RTN4: variants seen among roughly 807,000 people sequenced by gnomAD.
RTN4 encodes the protein reticulon 4.
RTN4 carries 32 observed loss-of-function variants against 90.4 expected under a neutral mutation model. That is an observed-to-expected ratio of 0.35 (90% CI 0.27 to 0.48). The LOEUF (loss-of-function observed/expected upper bound fraction) is 0.48, where lower values mean the gene tolerates loss of function less well. Among genes scored for constraint, RTN4 ranks in the 20% least tolerant of loss-of-function variants. RTN4 has a pLI of 0.99. For synonymous variants in RTN4, 629 were observed against 552.5 expected, an observed-to-expected ratio of 1.14 and a Z score of -1.94; for missense variants, 1,706 against 1,430.2, an observed-to-expected ratio of 1.19 and a Z score of -3.11.
chr2:55,095,510 A>AT (rs913316956), intron 1 of RTN4, among the ~76,000 whole-genome samples: 11 of 151,978 alleles, frequency 7.2e-5, no homozygotes, highest in African/African-American at 2.7e-4. Flanking sequence ...CACTATTCAG[A>AT]TTTTTTTCTT....
chr2:54,998,076 C>A (rs754188344), intron 3 of RTN4, among the ~76,000 whole-genome samples: 2 of 151,956 alleles, frequency 1.3e-5, no homozygotes, highest in Admixed American at 6.6e-5. Context: ...GTGAAAGAAG[C>A]CAGTCACAAA....
intron 3 of RTN4, among the ~76,000 whole-genome samples, chr2:55,001,249 G>T (rs1015009682): frequency 6.6e-6 from 1 of 152,092 alleles, no homozygotes; most frequent in African/African-American, 2.4e-5. Flanking sequence ...TTATTACTGA[G>T]AACAAACGGC....
chr2:55,006,650 G>A (rs1250315532), intron 3 of RTN4, among the ~76,000 whole-genome samples: 2 of 152,028 alleles, frequency 1.3e-5, no homozygotes, highest in Admixed American at 6.6e-5. Context: ...ATTACCTCTG[G>A]CACATTAACT....
At chr2:55,013,705 C>A (rs1011718800) in intron 3 of RTN4, among the ~76,000 whole-genome samples, 5 of 151,892 alleles carry the variant, frequency 3.3e-5, no homozygotes, top group African/African-American at 1.2e-4. Flanking sequence ...CAGCACTAGG[C>A]AAGGTGTTAA....
chr2:55,070,726 AG>A (rs768386254), intron 2 of RTN4, among the ~76,000 whole-genome samples: 26 of 148,634 alleles, frequency 1.7e-4, no homozygotes, highest in South Asian at 1.3e-3. Flanking sequence ...ACTCCTATCA[AG>A]GACAAACAGC....
At position 55,111,819 on chromosome 2, in the gene RTN4, C is replaced by A. The variant is rs527391130; in HGVS notation, c.-214+701G>T. 4.6e-5 allele frequency among the ~76,000 whole-genome samples: 7 copies of A among 152,300 alleles called. No individual in the cohort carries two copies. The South Asian group carries it at 1.5e-3, about 32-fold the overall frequency. ...ATTCACTGAAATGTCCTTAAAAAAT[C>A]TACCTCACCCCATGTCTATCCATCT... is the stretch of plus-strand genomic sequence containing the variant. On this transcript the variant is annotated intron_variant, in intron 1 of 3. Coordinates refer to the RTN4 transcript ENST00000427710.
At chr2:55,046,505 C>G (rs1357695751) in intron 1 of RTN4, among the ~76,000 whole-genome samples, 2 of 152,166 alleles carry the variant, frequency 1.3e-5, no homozygotes, top group Non-Finnish European at 2.9e-5. Flanking sequence ...CTAAGCCTGT[C>G]TTAGTGTCAC....
intron 3 of RTN4, among the ~76,000 whole-genome samples, chr2:54,998,989 T>C (rs1408615682): frequency 6.6e-6 from 1 of 152,236 alleles, no homozygotes; most frequent in Non-Finnish European, 1.5e-5. Flanking sequence ...AAAATGTTCA[T>C]TAAACATCCT....
At position 54,986,727 on chromosome 2, in the gene RTN4, C is replaced by T. The variant is rs191626591; in HGVS notation, c.3221+764G>A. Among the ~76,000 whole-genome samples the T allele has an allele frequency of 1.6e-3, 243 of 152,070 alleles. 1 individual carries two copies. The highest frequency in any genetic ancestry group is 6.8e-3 in the Middle Eastern group (2 of 294). ...ACGTGGTGAATTAGTCGTTGTCGGG[C>T]GTTGGTTGGGGAGTTGAACTGTTAA... is the stretch of plus-strand genomic sequence containing the variant. On this transcript the variant is annotated intron_variant, in intron 4 of 8. Coordinates refer to ENST00000337526, the MANE Select transcript of RTN4 (RefSeq NM_020532.5).
At chr2:55,085,809 T>C (rs553498954) in intron 1 of RTN4, among the ~76,000 whole-genome samples, 60 of 152,334 alleles carry the variant, frequency 3.9e-4, no homozygotes, top group African/African-American at 1.4e-3. Context: ...GTTAGGCCCA[T>C]TATGAGACAT....
intron 1 of RTN4, among the ~76,000 whole-genome samples, chr2:55,033,723 T>C (rs1235954134): frequency 6.6e-6 from 1 of 152,254 alleles, no homozygotes; most frequent in African/African-American, 2.4e-5. Flanking sequence ...CAATAATACA[T>C]ATTAAATAAG....
intron 3 of RTN4, among the ~76,000 whole-genome samples, chr2:54,988,896 C>T (rs535506528): frequency 6.6e-5 from 10 of 152,216 alleles, no homozygotes; most frequent in African/African-American, 1.7e-4. Flanking sequence ...AGGAGAACCC[C>T]GAAGTGTGCC....
chr2:55,069,977 G>T (rs1483544583), intron 2 of RTN4, among the ~76,000 whole-genome samples: 1 of 152,212 alleles, frequency 6.6e-6, no homozygotes, highest in Non-Finnish European at 1.5e-5. Flanking sequence ...TGGGGTAAAA[G>T]ATGGCACATT....
At position 55,026,045 on chromosome 2, in the gene RTN4, G is replaced by A; in HGVS notation, c.2054C>T (p.Ala685Val). 1.2e-6 allele frequency: 2 copies of A among 1,610,918 alleles called. No homozygotes were observed. Among genetic ancestry groups the A allele is most frequent in the Non-Finnish European group, 1.7e-6 (2 of 1,179,244 alleles). Residue 685 changes from alanine (A) to valine (V), a missense_variant, in exon 3 of 9, where the codon GCA becomes GTA. Transcript: ENST00000337526. ...EEIKEPENIN[A>V]ALQETEAPYI... ...AGGAGCTTCTGTTTCTTGAAGAGCT[G>A]CATTAATATTTTCAGGCTCTTTAAT...
rs79113201 is a variant in RTN4, at chr2:54,990,324, G to C, written c.3014-2626C>G. Reference sequence around the variant, plus strand: ...AGGTAACAAGGCGGTACTTTAATAAGTTTGATTTAATCACACCACATTGTA... The same window carrying C: ...AGGTAACAAGGCGGTACTTTAATAACTTTGATTTAATCACACCACATTGTA... On this transcript the variant is annotated intron_variant, in intron 3 of 8. Coordinates refer to ENST00000337526, the MANE Select transcript of RTN4 (RefSeq NM_020532.5). Among the ~76,000 whole-genome samples the C allele has an allele frequency of 8.0e-3, 1,218 of 152,178 alleles. 13 individuals are homozygous for C. The highest frequency in any genetic ancestry group is 0.028 in the African/African-American group (1,168 of 41,500).
intron 5 of RTN4, among the ~76,000 whole-genome samples, chr2:54,976,156 C>G (rs1677615669): frequency 6.6e-6 from 1 of 152,214 alleles, no homozygotes; most frequent in Non-Finnish European, 1.5e-5. Context: ...AGAAATTACT[C>G]TAGCAACGAA....
intron 4 of RTN4, among the ~76,000 whole-genome samples, chr2:54,987,091 T>C (rs945375099): frequency 6.6e-6 from 1 of 151,874 alleles, no homozygotes; most frequent in Non-Finnish European, 1.5e-5. Flanking sequence ...AAGAAAAGCA[T>C]AACAGAAAAC....
intron 2 of RTN4, among the ~76,000 whole-genome samples, chr2:55,078,256 A>G (rs1170119314): frequency 6.6e-6 from 1 of 152,056 alleles, no homozygotes; most frequent in Admixed American, 6.6e-5. Flanking sequence ...TAAATTTACT[A>G]TTTTTTGAGG....
Position 55,050,006 on chromosome 2 carries a change from G to C in RTN4, c.295C>G (p.Pro99Ala). The C allele has an allele frequency of 7.2e-7, 1 of 1,380,354 alleles. No homozygotes were observed. The highest frequency in any genetic ancestry group is 9.3e-7 in the Non-Finnish European group (1 of 1,074,384). 85.5% of individuals were successfully genotyped at this position (1,380,354 alleles called of 1,614,324 possible). Reference protein sequence around the residue: ...APRGPLPAAPPVAPERQPSWD... With the variant: ...APRGPLPAAPAVAPERQPSWD... ...GACGGCTGCCGCTCCGGGGCGACGG[G>C]GGGAGCGGCCGGCAGGGGTCCCCGG... Residue 99 changes from proline (P) to alanine (A), a missense_variant, in exon 1 of 9, where the codon CCC becomes GCC. Physicochemically the swap from Pro to Ala is conservative, Grantham distance 27. Transcript: ENST00000337526. The surrounding 1 kb of genome is among the most constrained non-coding windows in gnomAD (Gnocchi z 4.6).
Sources: allele counts gnomAD v4.1 joint callset (sites outside exome capture counted in the v4.1 genomes callset), GRCh38; gene constraint gnomAD v4.1.1; non-coding constraint Gnocchi (gnomAD v3.1); transcripts MANE v1.5; gene names NCBI Gene and HGNC (gene_info 2026-07-23, HGNC 2026-07-21).